The following ABTB3 variants were observed in gnomAD, a reference collection of about 807,000 sequenced individuals.
ABTB3 encodes ankyrin repeat- and BTB/POZ domain-containing protein 3.
At chr12:107,358,147 G>A in the ABTB3 span, among the ~76,000 whole-genome samples, 1 of 152,152 alleles carries the variant, frequency 6.6e-6, no homozygotes, top group Admixed American at 6.5e-5. Flanking sequence ...AGTGGTGGAG[G>A]GGGAAAGACA....
the ABTB3 span, among the ~76,000 whole-genome samples, chr12:107,517,149 G>C: frequency 1.3e-5 from 2 of 152,022 alleles, no homozygotes; most frequent in African/African-American, 4.8e-5. Flanking sequence ...TCTTGTTTTT[G>C]TCAGGTTTGT....
At chr12:107,469,863 TTC>T in the ABTB3 span, among the ~76,000 whole-genome samples, 1 of 141,224 alleles carries the variant, frequency 7.1e-6, no homozygotes, top group Admixed American at 7.0e-5. Flanking sequence ...CTTTCTTTCT[TTC>T]TTTTCTTTCT....
chr12:107,558,926 C>G, the ABTB3 span, among the ~76,000 whole-genome samples: 1 of 141,744 alleles, frequency 7.1e-6, no homozygotes, highest in Admixed American at 7.2e-5. Context: ...CCAGAGCCTG[C>G]GTCCTCTTGC....
At chr12:107,456,350 G>A in the ABTB3 span, among the ~76,000 whole-genome samples, 1 of 152,344 alleles carries the variant, frequency 6.6e-6, no homozygotes, top group Non-Finnish European at 1.5e-5. Flanking sequence ...AGCTTCATCT[G>A]TATTTATAGT....
the ABTB3 span, among the ~76,000 whole-genome samples, chr12:107,356,657 G>A: frequency 6.6e-6 from 1 of 152,198 alleles, no homozygotes; most frequent in Non-Finnish European, 1.5e-5. Flanking sequence ...CACCCTGTGT[G>A]CCACTTGCTG....
chr12:107,631,513 C>T, the ABTB3 span, among the ~76,000 whole-genome samples: 2 of 152,080 alleles, frequency 1.3e-5, no homozygotes, highest in Non-Finnish European at 2.9e-5. Context: ...ATTTTTAGTT[C>T]TTTGAGAAAT....
At chr12:107,371,712 G>A in the ABTB3 span, among the ~76,000 whole-genome samples, 1 of 152,096 alleles carries the variant, frequency 6.6e-6, no homozygotes, top group Admixed American at 6.5e-5. Context: ...TATGTTAAAT[G>A]TGAAGAGGAA....
At chr12:107,452,589 A>T in the ABTB3 span, among the ~76,000 whole-genome samples, 1 of 151,726 alleles carries the variant, frequency 6.6e-6, no homozygotes, top group Non-Finnish European at 1.5e-5. Flanking sequence ...AGTGGCTCAC[A>T]CCTGTAATCC....
At chr12:107,504,880 C>A in the ABTB3 span, among the ~76,000 whole-genome samples, 2 of 152,198 alleles carry the variant, frequency 1.3e-5, no homozygotes, top group African/African-American at 2.4e-5. Context: ...CCTTTGATTT[C>A]TATAACAGGG....
At chr12:107,480,150 C>T in the ABTB3 span, among the ~76,000 whole-genome samples, 1 of 151,944 alleles carries the variant, frequency 6.6e-6, no homozygotes, top group Non-Finnish European at 1.5e-5. Context: ...GAAGGAATGG[C>T]ATGAACAAAG....
chr12:107,623,565 C>T, the ABTB3 span, among the ~76,000 whole-genome samples: 1 of 151,838 alleles, frequency 6.6e-6, no homozygotes, highest in South Asian at 2.1e-4. Context: ...CAGAGTTTTA[C>T]CATTTTGACC....
chr12:107,407,993 C>T, the ABTB3 span, among the ~76,000 whole-genome samples: 1 of 152,072 alleles, frequency 6.6e-6, no homozygotes, highest in Non-Finnish European at 1.5e-5. Context: ...CCCCCAACCT[C>T]CACGTCAAAC....
chr12:107,623,796 C>A, the ABTB3 span, among the ~76,000 whole-genome samples: 1 of 152,092 alleles, frequency 6.6e-6, no homozygotes, highest in Admixed American at 6.5e-5. Flanking sequence ...AGCTTACTGA[C>A]CAAAAGCAAG....
the ABTB3 span, among the ~76,000 whole-genome samples, chr12:107,333,612 T>C: frequency 1.3e-5 from 2 of 152,208 alleles, no homozygotes; most frequent in African/African-American, 4.8e-5. Flanking sequence ...AATCCTCAGA[T>C]GTAGAAGTGC....
chr12:107,456,283 A>G, the ABTB3 span, among the ~76,000 whole-genome samples: 1 of 152,236 alleles, frequency 6.6e-6, no homozygotes, highest in African/African-American at 2.4e-5. Flanking sequence ...GTACTGGTCC[A>G]TGGCCTGTTA....
At chr12:107,532,485 T>G in the ABTB3 span, among the ~76,000 whole-genome samples, 20 of 152,124 alleles carry the variant, frequency 1.3e-4, no homozygotes, top group Non-Finnish European at 1.8e-4. Flanking sequence ...CCACCTGGAA[T>G]CAAAGCCAAA....
the ABTB3 span, among the ~76,000 whole-genome samples, chr12:107,366,660 T>C: frequency 1.3e-5 from 2 of 152,184 alleles, no homozygotes; most frequent in Non-Finnish European, 2.9e-5. Flanking sequence ...AGCCTCTAAT[T>C]GGGAGATTTA....
At chr12:107,473,349 T>A in the ABTB3 span, among the ~76,000 whole-genome samples, 9 of 152,044 alleles carry the variant, frequency 5.9e-5, no homozygotes, top group Non-Finnish European at 1.0e-4. Flanking sequence ...CAGCATGGAT[T>A]CATTTCACCT....
At chr12:107,500,379 A>G in the ABTB3 span, among the ~76,000 whole-genome samples, 1 of 152,040 alleles carries the variant, frequency 6.6e-6, no homozygotes, top group Non-Finnish European at 1.5e-5. Context: ...GTTTTCAACC[A>G]TCTAGTCTCG....
Sources: gnomAD v4.1 joint callset for allele counts (sites outside exome capture counted in the v4.1 genomes callset) on GRCh38, gnomAD v4.1.1 for gene constraint, MANE v1.5 for transcripts, NCBI Gene and HGNC (gene_info 2026-07-23, HGNC 2026-07-21) for gene names.